The following ARHGEF11 variants were observed in gnomAD, a reference collection of about 807,000 sequenced individuals.
ARHGEF11 encodes the protein Rho guanine exchange factor (GEF) 11.
In ARHGEF11, 55 loss-of-function variants were observed where a neutral mutation model predicts 193.7. The ratio of observed to expected loss-of-function variants is 0.28; its 90% CI spans 0.23 to 0.36. The LOEUF is 0.36. ARHGEF11 is among the 10% of genes least tolerant of loss of function. ARHGEF11 has a pLI of 1.00. For synonymous variants in ARHGEF11, 693 were observed against 768.0 expected (o/e 0.90, Z 1.62); for missense variants, 1,723 against 2,005.6 (o/e 0.86, Z 2.69).
intron 7 of ARHGEF11, among the ~76,000 whole-genome samples, chr1:156,974,455 A>G (rs1662975585): frequency 6.6e-6 from 1 of 152,214 alleles, no homozygotes; most frequent in African/African-American, 2.4e-5. Flanking sequence ...TGCATAAATA[A>G]TTATGCTTTG....
chr1:156,972,924 A>T (rs1346339891), intron 7 of ARHGEF11, among the ~76,000 whole-genome samples: 1 of 152,082 alleles, frequency 6.6e-6, no homozygotes, highest in Non-Finnish European at 1.5e-5. Flanking sequence ...CCATCCTACA[A>T]AATGTTCGAG....
At position 156,972,655 on chromosome 1, in the gene ARHGEF11, A is replaced by T. The variant is rs561452431; in HGVS notation, c.583-839T>A. Among the ~76,000 whole-genome samples, 4 of 152,280 alleles carry T rather than the reference A, an allele frequency of 2.6e-5. No individual in the cohort carries two copies. In the South Asian group the frequency reaches 8.3e-4, roughly 32 times the overall value. On this transcript the variant is annotated intron_variant, in intron 7 of 40. Coordinates refer to ENST00000368194, the MANE Select transcript of ARHGEF11 (RefSeq NM_198236.3). ...CTACTACCTGACAACCATTTTACAA[A>T]TTCCCCATACTTAATATTTCATCTT...
chr1:156,984,423 A>G lies in ARHGEF11; in HGVS notation c.139T>C (p.Cys47Arg). Residue 47 changes from cysteine (C) to arginine (R), a missense_variant, in exon 3 of 41, where the codon TGT becomes CGT. By Grantham distance (180) the Cys-to-Arg change is radical. Coordinates refer to ENST00000368194, the MANE Select transcript of ARHGEF11 (RefSeq NM_198236.3). The part of the protein sequence containing the change: ...ASETTGLVQR[C>R]VIIQKDQHGF... ...TGCTGGTCCTTTTGGATAATGACAC[A>G]GCGTTGAACGAGACCTGGAAGGCGG... The G allele has an allele frequency of 6.3e-7, 1 of 1,592,670 alleles. No homozygotes were observed. The highest frequency in any genetic ancestry group is 8.6e-7 in the Non-Finnish European group (1 of 1,168,972).
intron 5 of ARHGEF11, 147 bp downstream of exon 5, chr1:156,979,082 A>C: frequency 1.4e-6 from 1 of 713,596 alleles, no homozygotes; most frequent in Non-Finnish European, 2.5e-6. Flanking sequence ...GGATCACTCC[A>C]TGTTACGATT....
Position 157,044,408 on chromosome 1 carries a change from G to A in ARHGEF11, c.-78C>T, listed in dbSNP as rs1571645930. On this transcript the variant is annotated 5_prime_UTR_variant, in exon 1 of 41. Transcript: ENST00000368194. The stretch of plus-strand genomic sequence containing the variant: ...CAGGATTGAATCGCTTGCAATTTTT[G>A]AGCAAGGTGAGAGGAGGGCCTCCCA... 4 of 1,466,550 alleles carry A rather than the reference G, an allele frequency of 2.7e-6. No homozygotes were observed. Among genetic ancestry groups the A allele is most frequent in the African/African-American group, 2.8e-5 (2 of 71,506 alleles). 90.8% of individuals were successfully genotyped at this position (1,466,550 alleles called of 1,614,324 possible).
At chr1:157,002,526 T>A (rs1220415372) in intron 1 of ARHGEF11, among the ~76,000 whole-genome samples, 1 of 152,162 alleles carries the variant, frequency 6.6e-6, no homozygotes, top group Admixed American at 6.5e-5. Flanking sequence ...TACCCAATGA[T>A]CCTTTCAGTA....
intron 1 of ARHGEF11, among the ~76,000 whole-genome samples, chr1:157,020,703 C>A (rs12083220): frequency 6.6e-6 from 1 of 152,114 alleles, no homozygotes; most frequent in South Asian, 2.1e-4. Flanking sequence ...TAATATAATA[C>A]GGGGTTTTGT....
chr1:156,990,932 T>C (rs2102541276), intron 1 of ARHGEF11, among the ~76,000 whole-genome samples: 1 of 152,312 alleles, frequency 6.6e-6, no homozygotes, highest in East Asian at 1.9e-4. Flanking sequence ...ATCTGACTGC[T>C]AGGTACTCAT....
chr1:156,938,434 G>A lies in ARHGEF11; in HGVS notation c.4176C>T (p.Gly1392=), dbSNP rs772338302. The change falls in exon 38 of 41, where the codon GGC becomes GGT. Residue 1392 remains glycine, a synonymous_variant. Coordinates refer to ENST00000368194, the MANE Select transcript of ARHGEF11 (RefSeq NM_198236.3). ...QSEPGPPEVE[G]GTKATGNCFY... ...AGTTATTACCCGTAGCCTTTGTTCC[G>A]CCTTCCACTTCAGGTGGCCCAGGCT... 6 of 1,613,636 alleles carry A rather than the reference G, an allele frequency of 3.7e-6. No individual in the cohort carries two copies. Among genetic ancestry groups the A allele is most frequent in the South Asian group, 2.2e-5 (2 of 90,968 alleles).
At chr1:157,004,904 C>T (rs1321131344) in intron 1 of ARHGEF11, among the ~76,000 whole-genome samples, 1 of 152,170 alleles carries the variant, frequency 6.6e-6, no homozygotes, top group Admixed American at 6.5e-5. Flanking sequence ...AGAGCCTTGG[C>T]TGGAGACAGG....
At chr1:157,030,640 T>C (rs1671185476) in intron 1 of ARHGEF11, among the ~76,000 whole-genome samples, 3 of 151,674 alleles carry the variant, frequency 2.0e-5, no homozygotes, top group African/African-American at 2.4e-5. Flanking sequence ...GACAGGGGTA[T>C]AGGAAAAGAG....
intron 3 of ARHGEF11, among the ~76,000 whole-genome samples, chr1:156,983,863 T>C (rs1664552015): frequency 6.6e-6 from 1 of 152,232 alleles, no homozygotes; most frequent in Non-Finnish European, 1.5e-5. Context: ...ATATCATTCA[T>C]CTGTTGGTAA....
chr1:156,973,154 CTTGGCCTCAAGTGATCCTCTACT>C (rs1302139573), intron 7 of ARHGEF11, among the ~76,000 whole-genome samples: 1 of 152,144 alleles, frequency 6.6e-6, no homozygotes, highest in East Asian at 1.9e-4. Flanking sequence ...GTCTTGAACT[CTTGGCCTCAAGTGATCCTCTACT>C]TTGGCCTCCC....
intron 2 of ARHGEF11, chr1:156,985,813 C>A: frequency 3.5e-6 from 1 of 282,620 alleles, no homozygotes; most frequent in African/African-American, 2.2e-5. Context: ...TAGGTGTGAT[C>A]CCACTACTGA....
intron 1 of ARHGEF11, among the ~76,000 whole-genome samples, chr1:157,025,915 G>T (rs1670578182): frequency 6.6e-6 from 1 of 152,202 alleles, no homozygotes; most frequent in African/African-American, 2.4e-5. Context: ...TATAACAATA[G>T]ATGGAAACTG....
Position 156,946,906 on chromosome 1 carries a change from T to A in ARHGEF11, c.2568+30A>T, listed in dbSNP as rs372612869. 2.3e-5 allele frequency: 37 copies of A among 1,613,618 alleles called. No homozygotes were observed. The African/African-American group carries it at 4.7e-4, about 20-fold the overall frequency. On this transcript the variant is annotated intron_variant, in intron 27 of 40. Transcript: ENST00000368194. ...GACCCTGCCTCCCCCAATCTCCTCCTTGCCAAGAGGGAGAAGTTTGGAGCC... is the reference window on the plus strand; with the variant it reads ...GACCCTGCCTCCCCCAATCTCCTCCATGCCAAGAGGGAGAAGTTTGGAGCC...
rs770117447 is a variant in ARHGEF11 at position 156,940,355 on chromosome 1, A to T, written c.3585T>A (p.Ser1195Arg). 2 of 1,613,648 alleles carry T rather than the reference A, an allele frequency of 1.2e-6. No individual in the cohort carries two copies. Among genetic ancestry groups the T allele is most frequent in the South Asian group, 2.2e-5 (2 of 90,962 alleles). Reference sequence around the variant, plus strand: ...GGACACCCAGTTCCTCTTCCTCTGCACTGCCCTCCTGCTCAGGGTCCTCTA... The same window carrying T: ...GGACACCCAGTTCCTCTTCCTCTGCTCTGCCCTCCTGCTCAGGGTCCTCTA... ...VLLEDPEQEG[S>R]AEEEELGVLP... Residue 1195 changes from serine to arginine, a missense_variant, in exon 36 of 41, where the codon AGT becomes AGA. Physicochemically the swap from Ser to Arg is moderately radical, Grantham distance 110. Coordinates refer to ENST00000368194, the MANE Select transcript of ARHGEF11 (RefSeq NM_198236.3).
intron 1 of ARHGEF11, among the ~76,000 whole-genome samples, chr1:157,004,459 G>T (rs769267962): frequency 1.9e-4 from 29 of 152,152 alleles, no homozygotes; most frequent in Admixed American, 1.2e-3. Flanking sequence ...GCTCAAGGCA[G>T]GGAGTAATTA....
At chr1:156,958,319 A>G (rs1660268767) in intron 17 of ARHGEF11, among the ~76,000 whole-genome samples, 1 of 152,198 alleles carries the variant, frequency 6.6e-6, no homozygotes, top group Admixed American at 6.5e-5. Flanking sequence ...TCTGATGTGG[A>G]TTAGTAAAAG....
Sources: gnomAD v4.1 joint callset for allele counts (sites outside exome capture counted in the v4.1 genomes callset) on GRCh38, gnomAD v4.1.1 for gene constraint, MANE v1.5 for transcripts, NCBI Gene and HGNC (gene_info 2026-07-23, HGNC 2026-07-21) for gene names.